Variants in SMYD3 observed in about 807,000 individuals in gnomAD.
The protein encoded by SMYD3 is histone-lysine N-methyltransferase SMYD3.
A neutral mutation model predicts 57.7 loss-of-function variants in SMYD3; 36 were observed. That is an observed-to-expected ratio of 0.62 (90% CI 0.48 to 0.82). The LOEUF is 0.82. SMYD3 is among the 40% of genes least tolerant of loss of function. The pLI, the probability that SMYD3 is intolerant of heterozygous loss-of-function variation, is 0.00. For synonymous variants in SMYD3, 211 were observed against 195.0 expected (o/e 1.08, Z -0.68); for missense variants, 515 against 538.8 (o/e 0.96, Z 0.44).
intron 5 of SMYD3, among the ~76,000 whole-genome samples, chr1:246,236,149 C>T (rs1437125709): frequency 6.6e-6 from 1 of 151,850 alleles, no homozygotes; most frequent in Admixed American, 6.6e-5. Context: ...TTAAAACTAG[C>T]GTGATTTTTA....
chr1:245,993,579 A>AGAT (rs1558566117), intron 5 of SMYD3, among the ~76,000 whole-genome samples: 5 of 30,070 alleles, frequency 1.7e-4, no homozygotes, highest in Non-Finnish European at 5.8e-4. Context: ...AAAAAAAAAA[A>AGAT]AGATAGATAG....
At chr1:246,309,229 C>G (rs2065035426) in intron 5 of SMYD3, among the ~76,000 whole-genome samples, 1 of 152,036 alleles carries the variant, frequency 6.6e-6, no homozygotes, top group Non-Finnish European at 1.5e-5. Context: ...ACAGACTAGG[C>G]TACAATTCTA....
At chr1:246,144,414 AC>A (rs145249584) in intron 5 of SMYD3, among the ~76,000 whole-genome samples, 29 of 152,304 alleles carry the variant, frequency 1.9e-4, no homozygotes, top group African/African-American at 7.0e-4. Context: ...ACTCCATTTC[AC>A]CATAACATCT....
At chr1:245,910,344 T>C (rs542647985) in intron 8 of SMYD3, among the ~76,000 whole-genome samples, 1 of 152,200 alleles carries the variant, frequency 6.6e-6, no homozygotes, top group East Asian at 1.9e-4. Context: ...ATTGGAAGAA[T>C]ACTGCTAAAA....
At position 246,179,703 on chromosome 1, in the gene SMYD3, T is replaced by C. The variant is rs528011078; in HGVS notation, c.531+147498A>G. On this transcript the variant is annotated intron_variant, in intron 5 of 11. Transcript: ENST00000490107. Reference sequence around the variant, plus strand: ...TCAGATATATATTTCTCAAAACCCATCTTAACCTTGAGTATATGAAGGGAT... The same window carrying C: ...TCAGATATATATTTCTCAAAACCCACCTTAACCTTGAGTATATGAAGGGAT... Among the ~76,000 whole-genome samples the C allele has an allele frequency of 4.5e-4, 68 of 152,176 alleles. 1 individual carries two copies. The highest frequency in any genetic ancestry group is 1.4e-3 in the African/African-American group (58 of 41,432).
intron 5 of SMYD3, among the ~76,000 whole-genome samples, chr1:246,305,358 G>C (rs1015597059): frequency 2.6e-5 from 4 of 152,130 alleles, no homozygotes; most frequent in African/African-American, 9.7e-5. Flanking sequence ...CTCAGCAGAA[G>C]AGCTTCCTTG....
At chr1:246,447,509 G>A (rs976088089) in intron 1 of SMYD3, among the ~76,000 whole-genome samples, 1 of 151,298 alleles carries the variant, frequency 6.6e-6, no homozygotes, top group African/African-American at 2.5e-5. Context: ...ACAAATACAC[G>A]AGACAGAAAC....
chr1:245,931,454 G>A (rs1451868458), intron 5 of SMYD3, among the ~76,000 whole-genome samples: 2 of 152,146 alleles, frequency 1.3e-5, no homozygotes, highest in East Asian at 1.9e-4. Flanking sequence ...ATTAAGATGA[G>A]GAAGAATTTA....
At chr1:246,234,845 T>C (rs928046073) in intron 5 of SMYD3, among the ~76,000 whole-genome samples, 1 of 152,192 alleles carries the variant, frequency 6.6e-6, no homozygotes, top group Non-Finnish European at 1.5e-5. Context: ...TATATTATAT[T>C]TAAATGTATC....
chr1:246,305,151 C>G (rs1394297200), intron 5 of SMYD3, among the ~76,000 whole-genome samples: 1 of 152,204 alleles, frequency 6.6e-6, no homozygotes, highest in Non-Finnish European at 1.5e-5. Flanking sequence ...AAATCTCTCA[C>G]AGTAATGCTG....
intron 5 of SMYD3, among the ~76,000 whole-genome samples, chr1:246,020,538 C>T (rs1202668560): frequency 6.6e-6 from 1 of 152,120 alleles, no homozygotes; most frequent in Non-Finnish European, 1.5e-5. Context: ...TGACTCATTA[C>T]AAGAAAGGAG....
rs575044981 is a variant in SMYD3 at position 246,194,997 on chromosome 1, C to T, written c.531+132204G>A. Among the ~76,000 whole-genome samples, 31 of 152,320 alleles carry T rather than the reference C, an allele frequency of 2.0e-4. No homozygotes were observed. The East Asian group carries it at 4.2e-3, about 21-fold the overall frequency. Reference sequence around the variant, plus strand: ...AGGTTTTCACCACTGCCAGTTTCTACGCTATACTTGGCCTACTGAGAGCTC... The same window carrying T: ...AGGTTTTCACCACTGCCAGTTTCTATGCTATACTTGGCCTACTGAGAGCTC... On this transcript the variant is annotated intron_variant, in intron 5 of 11. Transcript: ENST00000490107.
intron 8 of SMYD3, among the ~76,000 whole-genome samples, chr1:245,867,994 AG>A (rs1294115122): frequency 2.0e-5 from 3 of 152,216 alleles, no homozygotes; most frequent in Non-Finnish European, 4.4e-5. Context: ...AGCTGAATAT[AG>A]GTCTTATTCT....
chr1:245,947,148 G>T (rs964901837), intron 5 of SMYD3, among the ~76,000 whole-genome samples: 1 of 152,064 alleles, frequency 6.6e-6, no homozygotes, highest in Non-Finnish European at 1.5e-5. Context: ...GATGGCCTTT[G>T]AATTTTCCAC....
chr1:246,411,974 AT>A (rs11336140), intron 1 of SMYD3, among the ~76,000 whole-genome samples: 61,002 of 139,550 alleles, frequency 0.44, 13,429 homozygotes, highest in Admixed American at 0.53. Context: ...TTAAAGTATA[AT>A]AAAAAAAAAA....
chr1:246,348,060 T>TCATATATATA (rs1173574600), intron 2 of SMYD3, among the ~76,000 whole-genome samples: 34 of 82,978 alleles, frequency 4.1e-4, no homozygotes, highest in Middle Eastern at 7.6e-3. Flanking sequence ...AAAGAAAACG[T>TCATATATATA]TATATATATA....
chr1:246,049,463 ATT>A lies in SMYD3; in HGVS notation c.532-119528_532-119527del, dbSNP rs35899131. The stretch of plus-strand genomic sequence containing the variant: ...AGGCGCCCGCCACCACGCCTGGCTA[ATT>A]TTTTTTTTTTTTTGTATTTTTAGTA... On this transcript the variant is annotated intron_variant, in intron 5 of 11. Coordinates refer to ENST00000490107, the MANE Select transcript of SMYD3 (RefSeq NM_001167740.2). Among the ~76,000 whole-genome samples, 309 of 142,840 alleles carry A rather than the reference ATT, an allele frequency of 2.2e-3. 3 individuals are homozygous for A. The highest frequency in any genetic ancestry group is 6.1e-3 in the African/African-American group (238 of 38,938). The allele number at this position is 142,840 out of a possible 152,430, so 93.7% of individuals were successfully genotyped here.
intron 1 of SMYD3, among the ~76,000 whole-genome samples, chr1:246,391,461 G>A (rs1426134842): frequency 2.6e-5 from 4 of 151,316 alleles, no homozygotes; most frequent in African/African-American, 7.3e-5. Flanking sequence ...GGAAAAAGGA[G>A]AGGGGGAGAG....
intron 7 of SMYD3, among the ~76,000 whole-genome samples, chr1:245,921,034 T>C (rs1366192167): frequency 6.6e-6 from 1 of 152,162 alleles, no homozygotes; most frequent in Non-Finnish European, 1.5e-5. Context: ...TCACAAACTA[T>C]GCATCTGACA....
Sources: allele counts gnomAD v4.1 joint callset (sites outside exome capture counted in the v4.1 genomes callset), GRCh38; gene constraint gnomAD v4.1.1; transcripts MANE v1.5; gene names NCBI Gene and HGNC (gene_info 2026-07-23, HGNC 2026-07-21).